Variants in SORCS3 observed in about 807,000 individuals in gnomAD.
SORCS3 encodes VPS10 domain-containing receptor SorCS3.
In SORCS3, 57 loss-of-function variants were observed where a neutral mutation model predicts 146.3. The observed-to-expected ratio is 0.39, with a 90% CI of 0.31 to 0.49. The LOEUF (loss-of-function observed/expected upper bound fraction) is 0.49, where lower values mean the gene tolerates loss of function less well. Ranked by LOEUF, SORCS3 falls within the 20% of genes least tolerant of loss-of-function variation. The probability of loss-of-function intolerance (pLI) is 0.92; values close to 1 mark genes in which losing one functional copy is unlikely to be tolerated. For synonymous variants in SORCS3, 653 were observed against 618.5 expected, an observed-to-expected ratio of 1.06 and a Z score of -0.83; for missense variants, 1,341 against 1,575.5, an observed-to-expected ratio of 0.85 and a Z score of 2.52.
chr10:104,670,862 A>G (rs1163281534), intron 1 of SORCS3, among the ~76,000 whole-genome samples: 1 of 133,482 alleles, frequency 7.5e-6, no homozygotes, highest in Admixed American at 7.5e-5. Flanking sequence ...GTATTTTATA[A>G]TTTTCATTGA....
intron 1 of SORCS3, among the ~76,000 whole-genome samples, chr10:104,784,729 C>G (rs551008740): frequency 2.0e-5 from 3 of 152,178 alleles, no homozygotes; most frequent in Non-Finnish European, 4.4e-5. Flanking sequence ...TCTTGTCCTC[C>G]CTTCCTGGAA....
intron 1 of SORCS3, among the ~76,000 whole-genome samples, chr10:104,660,674 T>A (rs1589449695): frequency 6.6e-6 from 1 of 152,058 alleles, no homozygotes; most frequent in African/African-American, 2.4e-5. Flanking sequence ...GGTGAATGAG[T>A]TGGGGATGGT....
chr10:104,870,653 A>G lies in SORCS3; in HGVS notation c.695+27794A>G, dbSNP rs115621732. Reference sequence around the variant, plus strand: ...TGCGAGGGTAGACCTCAGGATAACCAGGGGAGTGGAGGGAAGGAGAAATGG... The same window carrying G: ...TGCGAGGGTAGACCTCAGGATAACCGGGGGAGTGGAGGGAAGGAGAAATGG... On this transcript the variant is annotated intron_variant, in intron 2 of 26. Coordinates refer to ENST00000369701, the MANE Select transcript of SORCS3 (RefSeq NM_014978.3). Among the ~76,000 whole-genome samples, 995 of 152,246 alleles carry G rather than the reference A, an allele frequency of 6.5e-3. 12 individuals are homozygous for G. Among genetic ancestry groups the G allele is most frequent in the African/African-American group, 0.023 (943 of 41,558 alleles).
intron 13 of SORCS3, among the ~76,000 whole-genome samples, chr10:105,175,651 A>G (rs796150967): frequency 3.3e-5 from 5 of 152,320 alleles, no homozygotes; most frequent in African/African-American, 1.2e-4. Context: ...GAAATGAGAA[A>G]CCTGTTTCTT....
chr10:105,242,723 CATTTATATATATTTATATATTTATATAT>C (rs1359002077), intron 20 of SORCS3, among the ~76,000 whole-genome samples: 1 of 86,870 alleles, frequency 1.2e-5, no homozygotes, highest in Non-Finnish European at 2.0e-5. Context: ...TATTTATATA[CATTTATATATATTTATATATTTATATAT>C]ATTTATATTT....
chr10:105,005,437 G>T (rs1265344074), intron 4 of SORCS3, among the ~76,000 whole-genome samples: 1 of 152,200 alleles, frequency 6.6e-6, no homozygotes, highest in Non-Finnish European at 1.5e-5. Flanking sequence ...AGGGAGGAAA[G>T]CTTATATTGG....
chr10:104,753,673 C>A (rs117818320), intron 1 of SORCS3, among the ~76,000 whole-genome samples: 1 of 152,166 alleles, frequency 6.6e-6, no homozygotes, highest in Non-Finnish European at 1.5e-5. Context: ...TTTTAAAATA[C>A]ACTAACTTTC....
chr10:104,929,565 C>T (rs1228843101), intron 3 of SORCS3, among the ~76,000 whole-genome samples: 3 of 152,200 alleles, frequency 2.0e-5, no homozygotes, highest in Admixed American at 6.5e-5. Context: ...CAGGTGCATC[C>T]CAACACTGAG....
chr10:104,805,292 A>C (rs1460577404), intron 1 of SORCS3, among the ~76,000 whole-genome samples: 1 of 152,232 alleles, frequency 6.6e-6, no homozygotes, highest in East Asian at 1.9e-4. Flanking sequence ...GGAAGCTTTC[A>C]TGGAGGAGGA....
intron 3 of SORCS3, among the ~76,000 whole-genome samples, chr10:104,976,128 A>G (rs1397176861): frequency 6.6e-6 from 1 of 152,230 alleles, no homozygotes; most frequent in African/African-American, 2.4e-5. Context: ...CAGGCAACCC[A>G]CACAATGGGA....
chr10:104,650,833 C>T (rs927926583), intron 1 of SORCS3, among the ~76,000 whole-genome samples: 2 of 152,212 alleles, frequency 1.3e-5, no homozygotes, highest in East Asian at 1.9e-4. Flanking sequence ...TCAGGTCCCA[C>T]GTGCCTGACA....
chr10:104,799,944 G>T (rs1361621246), intron 1 of SORCS3, among the ~76,000 whole-genome samples: 1 of 151,908 alleles, frequency 6.6e-6, no homozygotes, highest in Non-Finnish European at 1.5e-5. Flanking sequence ...TCAAAGTGCT[G>T]GGATTACAGG....
chr10:105,166,300 C>A (rs763798998), intron 12 of SORCS3, among the ~76,000 whole-genome samples: 1 of 152,124 alleles, frequency 6.6e-6, no homozygotes, highest in Non-Finnish European at 1.5e-5. Context: ...CTTCACTTAA[C>A]CCACCATCCC....
rs371897249 is a variant in SORCS3 at position 105,202,350 on chromosome 10, A to G, written c.2261+1097A>G. Among the ~76,000 whole-genome samples, 4 of 151,922 alleles carry G rather than the reference A, an allele frequency of 2.6e-5. No individual in the cohort carries two copies. The East Asian group carries it at 7.7e-4, about 29-fold the overall frequency. The stretch of plus-strand genomic sequence containing the variant: ...TTCACTGTATTGCAACCGCATTACC[A>G]CCTCCTGCACCTTTATTAATCCTGG... On this transcript the variant is annotated intron_variant, in intron 16 of 26. Coordinates refer to ENST00000369701, the MANE Select transcript of SORCS3 (RefSeq NM_014978.3).
rs79638288 is a variant in SORCS3 at position 104,871,801 on chromosome 10, C to T, written c.695+28942C>T. 7.6e-3 allele frequency among the ~76,000 whole-genome samples: 1,155 copies of T among 152,176 alleles called. 11 individuals are homozygous for T. The highest frequency in any genetic ancestry group is 0.026 in the African/African-American group (1,075 of 41,494). On this transcript the variant is annotated intron_variant, in intron 2 of 26. Coordinates refer to ENST00000369701, the MANE Select transcript of SORCS3 (RefSeq NM_014978.3). Reference sequence around the variant, plus strand: ...GTTTTTGCCCTTCCCAGAAACCTGTCGAGGTGAGGGCAGGGAGTTCCTGGG... The same window carrying T: ...GTTTTTGCCCTTCCCAGAAACCTGTTGAGGTGAGGGCAGGGAGTTCCTGGG...
At chr10:104,863,425 C>T (rs2018426681) in intron 2 of SORCS3, among the ~76,000 whole-genome samples, 1 of 152,180 alleles carries the variant, frequency 6.6e-6, no homozygotes, top group African/African-American at 2.4e-5. Flanking sequence ...GTTCTGTTTT[C>T]TCCCATAGCT....
intron 21 of SORCS3, among the ~76,000 whole-genome samples, chr10:105,246,633 A>G (rs1211104395): frequency 6.6e-6 from 1 of 152,172 alleles, no homozygotes; most frequent in Non-Finnish European, 1.5e-5. Flanking sequence ...GGCACATGGA[A>G]GGTTTGTGTG....
rs1355505636 is a variant in SORCS3 at position 104,892,403 on chromosome 10, TACAGGTAAAGGC to T, written c.696-23428_696-23417del. On this transcript the variant is annotated intron_variant, in intron 2 of 26. Transcript: ENST00000369701. ...CATATGTTACTTGTCTGTAAGCTTCTACAGGTAAAGGCAAAGGCCATGGTTAAATAGTATCTG... is the reference window on the plus strand; with the variant it reads ...CATATGTTACTTGTCTGTAAGCTTCTAAAGGCCATGGTTAAATAGTATCTG... Among the ~76,000 whole-genome samples the T allele has an allele frequency of 3.9e-5, 6 of 152,350 alleles. No homozygotes were observed. In the East Asian group the frequency reaches 1.2e-3, roughly 29 times the overall value.
intron 20 of SORCS3, among the ~76,000 whole-genome samples, chr10:105,237,768 G>A (rs2056801030): frequency 6.6e-6 from 1 of 152,174 alleles, no homozygotes; most frequent in South Asian, 2.1e-4. Flanking sequence ...TACGCATTGT[G>A]TACTGAGGGA....
Sources: allele counts gnomAD v4.1 joint callset (sites outside exome capture counted in the v4.1 genomes callset), GRCh38; gene constraint gnomAD v4.1.1; transcripts MANE v1.5; gene names NCBI Gene and HGNC (gene_info 2026-07-23, HGNC 2026-07-21).